The following TRIP13 variants were observed in gnomAD, a reference collection of about 807,000 sequenced individuals.
The protein encoded by TRIP13 is thyroid hormone receptor interactor 13, also known as pachytene checkpoint protein 2 homolog.
A neutral mutation model predicts 54.4 loss-of-function variants in TRIP13; 25 were observed. The observed-to-expected ratio is 0.46, with a 90% CI of 0.33 to 0.64. TRIP13 has a LOEUF of 0.64. Among genes scored for constraint, TRIP13 ranks in the 30% least tolerant of loss-of-function variants. The pLI is 0.02. For synonymous variants in TRIP13, 207 were observed against 207.8 expected (o/e 1.00, Z 0.03); for missense variants, 373 against 534.2 (o/e 0.70, Z 2.97).
chr5:917,934 T>C lies in TRIP13; in HGVS notation c.*831T>C, dbSNP rs1754370612. The C allele has an allele frequency of 6.6e-6, 1 of 152,244 alleles. No individual in the cohort carries two copies. The highest frequency in any genetic ancestry group is 1.5e-5 in the Non-Finnish European group (1 of 68,048). The allele number at this position is 152,244 out of a possible 1,614,324, so 9.4% of individuals were successfully genotyped here. ...CCGAATGTTATGTTTTGCTTTTATC[T>C]CACAGTAAAATAAATATAATTAATG... On this transcript the variant is annotated 3_prime_UTR_variant, in exon 13 of 13. Transcript: ENST00000166345.
intron 3 of TRIP13, among the ~76,000 whole-genome samples, chr5:900,197 A>C (rs1353854058): frequency 2.0e-5 from 3 of 152,264 alleles, no homozygotes; most frequent in Non-Finnish European, 4.4e-5. Context: ...GGGAAGTTAA[A>C]GTTTTTTTAA....
chr5:914,993 A>T (rs1465137755), intron 11 of TRIP13, among the ~76,000 whole-genome samples: 1 of 152,120 alleles, frequency 6.6e-6, no homozygotes, highest in African/African-American at 2.4e-5. Context: ...AGGCTGCTGG[A>T]GCAGTGTGTT....
intron 5 of TRIP13, among the ~76,000 whole-genome samples, 188 bp from the exon 6 acceptor site, chr5:903,960 G>T (rs113694958): frequency 6.6e-6 from 1 of 152,124 alleles, no homozygotes; most frequent in Non-Finnish European, 1.5e-5. Context: ...TAAGAAAGAG[G>T]GGGAGACGTA....
chr5:896,838 G>A (rs763800387), intron 3 of TRIP13, 44 bp downstream of exon 3: 18 of 1,596,072 alleles, frequency 1.1e-5, no homozygotes, highest in East Asian at 1.1e-4. Context: ...GAGGTCAGAG[G>A]ATTGTATACT....
chr5:918,395 T>TCAC (rs1454756171), downstream of TRIP13, among the ~76,000 whole-genome samples: 1 of 152,204 alleles, frequency 6.6e-6, no homozygotes, highest in Non-Finnish European at 1.5e-5. This position sits in a 1 kb window ranked among gnomAD's most constrained non-coding sequence, Gnocchi z 4.3. Flanking sequence ...AAGGATCTTT[T>TCAC]CACCAGTGGG....
At chr5:893,135 C>T in intron 1 of TRIP13, 45 bp downstream of exon 1, 1 of 1,512,222 alleles carries the variant, frequency 6.6e-7, no homozygotes. Flanking sequence ...CCCACCCGCC[C>T]CGACCCCAGC....
At chr5:894,996 C>T in intron 2 of TRIP13, 44 bp downstream of exon 2, 1 of 1,556,996 alleles carries the variant, frequency 6.4e-7, no homozygotes, top group Non-Finnish European at 8.7e-7. Flanking sequence ...TAGCTGAATA[C>T]AAAAGGTTGT....
At chr5:904,715 C>A (rs1417999232) in intron 6 of TRIP13, among the ~76,000 whole-genome samples, 1 of 151,388 alleles carries the variant, frequency 6.6e-6, no homozygotes, top group Non-Finnish European at 1.5e-5. Flanking sequence ...ATGTTTTATT[C>A]GAAAGTTTCT....
chr5:895,081 A>G, intron 2 of TRIP13, 129 bp downstream of exon 2: 2 of 1,064,120 alleles, frequency 1.9e-6, no homozygotes, highest in Non-Finnish European at 2.7e-6. Context: ...GGGTGGCTAG[A>G]CAAGTTCTTT....
Position 907,270 on chromosome 5 carries a change from TC to T in TRIP13, c.672+79del. On this transcript the variant is annotated intron_variant, in intron 7 of 12. Transcript: ENST00000166345. The surrounding 1 kb of genome is among the most constrained non-coding windows in gnomAD (Gnocchi z 4.1). ...GTCTTGTATGTTAGGCAAATCCTCCTCCAGAAGCTTCAGGAGAGAACTGGGT... is the reference window on the plus strand; with the variant it reads ...GTCTTGTATGTTAGGCAAATCCTCCTCAGAAGCTTCAGGAGAGAACTGGGT... 1 of 1,279,564 alleles carries T rather than the reference TC, an allele frequency of 7.8e-7. No homozygotes were observed. The highest frequency in any genetic ancestry group is 1.1e-6 in the Non-Finnish European group (1 of 891,670). 79.3% of individuals were successfully genotyped at this position (1,279,564 alleles called of 1,614,324 possible).
rs376188219 is a variant in TRIP13, at chr5:896,523, G to C, written c.259-142G>C. ...ATCCTCAATCTGAAATAAAATAATAGCCTTCTCATCTAATCTGAGAACTAG... is the reference window on the plus strand; with the variant it reads ...ATCCTCAATCTGAAATAAAATAATACCCTTCTCATCTAATCTGAGAACTAG... On this transcript the variant is annotated intron_variant, in intron 2 of 12. Transcript: ENST00000166345. The C allele has an allele frequency of 5.7e-5, 45 of 789,810 alleles. 3 individuals carry two copies. In the East Asian group the frequency reaches 6.2e-4, roughly 11 times the overall value. 48.9% of individuals were successfully genotyped at this position (789,810 alleles called of 1,614,324 possible).
chr5:916,507 G>A (rs1754343912), intron 12 of TRIP13, among the ~76,000 whole-genome samples: 1 of 152,246 alleles, frequency 6.6e-6, no homozygotes, highest in African/African-American at 2.4e-5. Context: ...AATCAGAAGT[G>A]ACTCAGGCTC....
Position 908,715 on chromosome 5 carries a change from T to G in TRIP13, c.866+254T>G. On this transcript the variant is annotated intron_variant, in intron 9 of 12. Transcript: ENST00000166345. This position sits in a 1 kb window ranked among gnomAD's most constrained non-coding sequence, Gnocchi z 5.2. ...GGCTCACACCTGTAATCCCAGCACTTTGGGAGGCCGAGGCAGGCGGATCAC... is the reference window on the plus strand; with the variant it reads ...GGCTCACACCTGTAATCCCAGCACTGTGGGAGGCCGAGGCAGGCGGATCAC... 3 of 1,198,188 alleles carry G rather than the reference T, an allele frequency of 2.5e-6. No individual in the cohort carries two copies. The highest frequency in any genetic ancestry group is 3.2e-6 in the Non-Finnish European group (3 of 940,444). The allele number at this position is 1,198,188 out of a possible 1,614,324, so 74.2% of individuals were successfully genotyped here.
intron 1 of TRIP13, among the ~76,000 whole-genome samples, chr5:893,377 A>C (rs528614495): frequency 1.3e-4 from 19 of 151,672 alleles, no homozygotes; most frequent in South Asian, 1.0e-3. Context: ...CCTGGCCCTG[A>C]CCCTGCCCCT....
chr5:903,476 A>G (rs1754040629), intron 5 of TRIP13, among the ~76,000 whole-genome samples: 1 of 152,112 alleles, frequency 6.6e-6, no homozygotes, highest in Non-Finnish European at 1.5e-5. Flanking sequence ...CATATCTAAG[A>G]TCTATATCTA....
At chr5:900,361 C>T in intron 3 of TRIP13, 133 bp from the exon 4 acceptor site, 3 of 841,986 alleles carry the variant, frequency 3.6e-6, no homozygotes, top group Admixed American at 6.4e-5. Flanking sequence ...TTATACTTTC[C>T]TGTAATCAGA....
intron 3 of TRIP13, 104 bp from the exon 4 acceptor site, chr5:900,390 G>A: frequency 9.1e-7 from 1 of 1,102,512 alleles, no homozygotes. Flanking sequence ...CTTGCCTGGA[G>A]CAGCACAATG....
rs6887705 is a variant in TRIP13, at chr5:911,121, C to T, written c.867-722C>T. ...ACAGACCAGACAACAGGGGCTCTCTCTATGGAGTTTAGACGCTAGAGGGGA... is the reference window on the plus strand; with the variant it reads ...ACAGACCAGACAACAGGGGCTCTCTTTATGGAGTTTAGACGCTAGAGGGGA... On this transcript the variant is annotated intron_variant, in intron 9 of 12. Transcript: ENST00000166345. This position sits in a 1 kb window ranked among gnomAD's most constrained non-coding sequence, Gnocchi z 4.7. 0.018 allele frequency among the ~76,000 whole-genome samples: 2,785 copies of T among 152,324 alleles called. 86 individuals are homozygous for T. Among genetic ancestry groups the T allele is most frequent in the African/African-American group, 0.064 (2,649 of 41,564 alleles).
rs114227610 is a variant in TRIP13 at position 895,923 on chromosome 5, T to C, written c.259-742T>C. Among the ~76,000 whole-genome samples, 1,394 of 152,346 alleles carry C rather than the reference T, an allele frequency of 9.2e-3. 24 individuals carry two copies. Among genetic ancestry groups the C allele is most frequent in the African/African-American group, 0.031 (1,287 of 41,570 alleles). ...AATAAATGTAGGAATTCCATATATC[T>C]ACACTATGTACAATATAGCCATTAA... is the stretch of plus-strand genomic sequence containing the variant. On this transcript the variant is annotated intron_variant, in intron 2 of 12. Transcript: ENST00000166345.
Sources: gnomAD v4.1 joint callset for allele counts (sites outside exome capture counted in the v4.1 genomes callset) on GRCh38, gnomAD v4.1.1 for gene constraint, Gnocchi (gnomAD v3.1) non-coding constraint, MANE v1.5 for transcripts, NCBI Gene and HGNC (gene_info 2026-07-23, HGNC 2026-07-21) for gene names.